The following ZEB1 variants were observed in gnomAD, a reference collection of about 807,000 sequenced individuals.
ZEB1 encodes zinc finger E-box binding homeobox 1.
A neutral mutation model predicts 84.9 loss-of-function variants in ZEB1; 21 were observed. The ratio of observed to expected loss-of-function variants is 0.25; its 90% CI spans 0.18 to 0.36. The LOEUF is 0.36. ZEB1 is among the 10% of genes least tolerant of loss of function. The pLI is 1.00. For missense variants in ZEB1, 1,104 were observed against 1,330.2 expected, an observed-to-expected ratio of 0.83 and a Z score of 2.65; for synonymous variants, 420 against 471.1, an observed-to-expected ratio of 0.89 and a Z score of 1.41.
chr10:31,444,527 T>G (rs1323250274), intron 1 of ZEB1, among the ~76,000 whole-genome samples: 1 of 151,168 alleles, frequency 6.6e-6, no homozygotes, highest in Non-Finnish European at 1.5e-5. Flanking sequence ...GGTTTTCTTC[T>G]AGGGTTTTTA....
chr10:31,527,455 A>AT lies in ZEB1; in HGVS notation c.*191_*192insT. ...CACACACACACACACACACACACAA[A>AT]ATAAATCCGGGTGTGCCTGAACCTC... On this transcript the variant is annotated 3_prime_UTR_variant, in exon 9 of 9. Transcript: ENST00000424869. The AT allele has an allele frequency of 1.4e-6, 1 of 720,270 alleles. No homozygotes were observed. Among genetic ancestry groups the AT allele is most frequent in the Non-Finnish European group, 2.2e-6 (1 of 460,504 alleles). 44.6% of individuals were successfully genotyped at this position (720,270 alleles called of 1,614,324 possible).
chr10:31,351,214 A>G lies in ZEB1; in HGVS notation c.58+31922A>G, dbSNP rs547646158. On this transcript the variant is annotated intron_variant, in intron 1 of 8. Coordinates refer to ENST00000424869, the MANE Select transcript of ZEB1 (RefSeq NM_001174096.2). ...CTGAAAAGAAATATAGTAGTTGTAAATTGCTAGACCTTACTCTTACGGTAC... is the reference window on the plus strand; with the variant it reads ...CTGAAAAGAAATATAGTAGTTGTAAGTTGCTAGACCTTACTCTTACGGTAC... Among the ~76,000 whole-genome samples, 15 of 152,314 alleles carry G rather than the reference A, an allele frequency of 9.8e-5. 1 individual carries two copies. The East Asian group carries it at 1.7e-3, about 18-fold the overall frequency.
At chr10:31,483,351 A>G (rs1279889542) in intron 2 of ZEB1, among the ~76,000 whole-genome samples, 3 of 152,070 alleles carry the variant, frequency 2.0e-5, no homozygotes, top group Admixed American at 2.0e-4. Context: ...TATCTTGCCA[A>G]GATGGTACAT....
At chr10:31,388,371 T>G (rs1467085707) in intron 1 of ZEB1, among the ~76,000 whole-genome samples, 1 of 152,120 alleles carries the variant, frequency 6.6e-6, no homozygotes, top group African/African-American at 2.4e-5. Flanking sequence ...TTATGGACCA[T>G]TAAAGTGGGG....
chr10:31,452,222 C>T (rs562232507), intron 1 of ZEB1, among the ~76,000 whole-genome samples: 1 of 151,988 alleles, frequency 6.6e-6, no homozygotes, highest in Admixed American at 6.5e-5. Flanking sequence ...ACTCTAAAAC[C>T]ATTATGATAC....
intron 1 of ZEB1, chr10:31,360,850 C>T (rs947147283): frequency 1.3e-5 from 11 of 857,628 alleles, no homozygotes; most frequent in Non-Finnish European, 2.1e-5. Flanking sequence ...GGCCATTTTG[C>T]ATTTACTAGT....
intron 1 of ZEB1, among the ~76,000 whole-genome samples, chr10:31,338,215 A>T (rs1035330178): frequency 6.6e-6 from 1 of 152,176 alleles, no homozygotes; most frequent in Non-Finnish European, 1.5e-5. Context: ...GCACTTGTGG[A>T]TATAACATTT....
chr10:31,447,300 A>G (rs1350231058), intron 1 of ZEB1, among the ~76,000 whole-genome samples: 1 of 144,036 alleles, frequency 6.9e-6, no homozygotes, highest in Non-Finnish European at 1.5e-5. Flanking sequence ...TTTTGAGCCT[A>G]TGTGTGTCTC....
chr10:31,408,235 A>G (rs2053528312), intron 1 of ZEB1, among the ~76,000 whole-genome samples: 1 of 150,682 alleles, frequency 6.6e-6, no homozygotes, highest in Non-Finnish European at 1.5e-5. Context: ...CTGGTCAAGG[A>G]AATAAAAGAG....
intron 2 of ZEB1, among the ~76,000 whole-genome samples, chr10:31,471,879 A>G (rs2063309932): frequency 6.9e-6 from 1 of 145,654 alleles, no homozygotes; most frequent in Admixed American, 6.6e-5. Context: ...CCACAGTGCA[A>G]TCAAACTAGA....
At chr10:31,377,739 G>A (rs2046911379) in intron 1 of ZEB1, among the ~76,000 whole-genome samples, 1 of 151,616 alleles carries the variant, frequency 6.6e-6, no homozygotes, top group Admixed American at 6.6e-5. Context: ...AATTCCTTTA[G>A]TGTGCCTCAT....
chr10:31,428,104 G>T (rs984354431), intron 1 of ZEB1, among the ~76,000 whole-genome samples: 28 of 151,704 alleles, frequency 1.8e-4, no homozygotes, highest in African/African-American at 6.3e-4. Context: ...CTTGTCTTTT[G>T]CTAGCTTTGG....
intron 1 of ZEB1, among the ~76,000 whole-genome samples, chr10:31,454,024 A>G (rs898673547): frequency 5.9e-5 from 9 of 152,202 alleles, no homozygotes; most frequent in Non-Finnish European, 1.0e-4. Flanking sequence ...AATACTGGCA[A>G]ACTAAATCTA....
chr10:31,385,492 A>G (rs1384589169), intron 1 of ZEB1, among the ~76,000 whole-genome samples: 1 of 149,344 alleles, frequency 6.7e-6, no homozygotes, highest in Non-Finnish European at 1.5e-5. Context: ...GCATTTCTTC[A>G]TTTTGTTTTC....
Position 31,510,124 on chromosome 10 carries a change from A to G in ZEB1, c.485-549A>G, listed in dbSNP as rs566777220. 6.6e-5 allele frequency among the ~76,000 whole-genome samples: 10 copies of G among 152,226 alleles called. No homozygotes were observed. In the East Asian group the frequency reaches 1.5e-3, roughly 24 times the overall value. On this transcript the variant is annotated intron_variant, in intron 4 of 8. Transcript: ENST00000424869. ...ATTTTTTTGGTCTGAACTCAGTCCT[A>G]TGGCCACACCTACCTGCAAGGGACT...
intron 1 of ZEB1, chr10:31,321,424 C>G: frequency 6.2e-7 from 1 of 1,610,978 alleles, no homozygotes; most frequent in South Asian, 1.1e-5. Flanking sequence ...CTTGTTATAG[C>G]AAGGAGTGGA....
intron 1 of ZEB1, among the ~76,000 whole-genome samples, chr10:31,328,838 C>T (rs2133193862): frequency 1.3e-5 from 2 of 152,206 alleles, no homozygotes; most frequent in Non-Finnish European, 2.9e-5. Flanking sequence ...GGAATAAAAG[C>T]TGTGCATTCT....
Position 31,527,025 on chromosome 10 carries a change from G to A in ZEB1, c.3139G>A (p.Glu1047Lys). The A allele has an allele frequency of 6.3e-7, 1 of 1,593,174 alleles. No homozygotes were observed. Among genetic ancestry groups the A allele is most frequent in the African/African-American group, 1.3e-5 (1 of 74,376 alleles). Residue 1047 changes from glutamate (E) to lysine (K), a missense_variant, in exon 9 of 9, where the codon GAG becomes AAG. By Grantham distance (56) the Glu-to-Lys change is moderately conservative (BLOSUM62 1). This residue lies in a region of ZEB1 where 173 missense variants were observed against 167.0 expected (regional missense o/e 1.04). Coordinates refer to ENST00000424869, the MANE Select transcript of ZEB1 (RefSeq NM_001174096.2). ...AAAAGAGGAAGAGGAGGAGGATAAAGAGATGGAAGAATTGCAGGAAGAAAA... is the reference window on the plus strand; with the variant it reads ...AAAAGAGGAAGAGGAGGAGGATAAAAAGATGGAAGAATTGCAGGAAGAAAA... ...SEKEEEEEDK[E>K]MEELQEEKEC...
chr10:31,460,436 T>TA (rs2061681367), intron 1 of ZEB1, among the ~76,000 whole-genome samples: 1 of 152,156 alleles, frequency 6.6e-6, no homozygotes, highest in Non-Finnish European at 1.5e-5. Flanking sequence ...ATTAACAGCT[T>TA]AAAAATACTT....
Sources: allele counts gnomAD v4.1 joint callset (sites outside exome capture counted in the v4.1 genomes callset), GRCh38; gene constraint gnomAD v4.1.1; regional missense constraint gnomAD v4.1.1; transcripts MANE v1.5; gene names NCBI Gene and HGNC (gene_info 2026-07-23, HGNC 2026-07-21).